Variants in RANBP2 observed in about 807,000 individuals in gnomAD.
The protein encoded by RANBP2 is E3 SUMO-protein ligase RanBP2.
Under a neutral mutation model 303.6 loss-of-function variants are expected in RANBP2, and 57 were observed. The observed-to-expected ratio is 0.19, with a 90% CI of 0.15 to 0.23. RANBP2 has a LOEUF of 0.23. RANBP2 is among the 10% of genes least tolerant of loss of function. RANBP2 has a pLI of 1.00. For missense variants in RANBP2, 3,138 were observed against 3,780.8 expected, an observed-to-expected ratio of 0.83 and a Z score of 4.46; for synonymous variants, 1,167 against 1,301.5, an observed-to-expected ratio of 0.90 and a Z score of 2.23.
At chr2:109,700,423 C>T in the RANBP2 span, among the ~76,000 whole-genome samples, 7 of 152,060 alleles carry the variant, frequency 4.6e-5, no homozygotes, top group Admixed American at 6.6e-5. Context: ...TAGATTGGTT[C>T]GGTCTGGAAA....
the RANBP2 span, among the ~76,000 whole-genome samples, chr2:109,442,171 C>A: frequency 6.6e-6 from 1 of 151,886 alleles, no homozygotes; most frequent in Non-Finnish European, 1.5e-5. Context: ...ATTAGCCAGG[C>A]GTGTTGGCGG....
At chr2:109,290,535 A>G in the RANBP2 span, among the ~76,000 whole-genome samples, 36 of 152,226 alleles carry the variant, frequency 2.4e-4, no homozygotes, top group African/African-American at 8.7e-4. Context: ...ATGCCTAGCT[A>G]GGCTATGTCC....
At chr2:109,490,629 A>G in the RANBP2 span, 1 of 1,470,066 alleles carries the variant, frequency 6.8e-7, no homozygotes, top group Non-Finnish European at 9.0e-7. Flanking sequence ...TGGGCTCCTG[A>G]AGCTTCTAGC....
the RANBP2 span, among the ~76,000 whole-genome samples, chr2:109,684,810 C>T: frequency 6.6e-6 from 1 of 151,718 alleles, no homozygotes; most frequent in African/African-American, 2.4e-5. Context: ...GCTGGGATTA[C>T]AGGCAGAGCC....
chr2:108,738,628 C>CT (rs373620543), intron 6 of RANBP2, among the ~76,000 whole-genome samples: 8,184 of 136,582 alleles, frequency 0.06, 319 homozygotes, highest in African/African-American at 0.083. Context: ...ATAATAATAG[C>CT]TTTTTTTTTT....
At chr2:109,337,086 G>A in the RANBP2 span, among the ~76,000 whole-genome samples, 1 of 152,250 alleles carries the variant, frequency 6.6e-6, no homozygotes, top group African/African-American at 2.4e-5. Flanking sequence ...TATCCTAAAT[G>A]TAAATTCAGG....
the RANBP2 span, chr2:108,846,708 A>G: frequency 6.4e-7 from 1 of 1,562,248 alleles, no homozygotes; most frequent in South Asian, 1.2e-5. Flanking sequence ...ACATGAATAA[A>G]TATACTAAGA....
the RANBP2 span, among the ~76,000 whole-genome samples, chr2:109,409,621 A>G: frequency 6.6e-6 from 1 of 152,056 alleles, no homozygotes; most frequent in Non-Finnish European, 1.5e-5. Context: ...TGCTGAAGTT[A>G]TGTGGGCAGA....
the RANBP2 span, among the ~76,000 whole-genome samples, chr2:109,098,594 T>A: frequency 6.6e-6 from 1 of 152,244 alleles, no homozygotes; most frequent in Non-Finnish European, 1.5e-5. Context: ...CAACCCTTTG[T>A]CTGTTTATAA....
the RANBP2 span, among the ~76,000 whole-genome samples, chr2:109,238,431 CTTGT>C: frequency 2.2e-3 from 319 of 145,054 alleles, 1 homozygote; most frequent in Admixed American, 2.9e-3. Context: ...TTATACATTT[CTTGT>C]TTGTTATGTA....
the RANBP2 span, among the ~76,000 whole-genome samples, chr2:109,394,748 A>G: frequency 6.6e-6 from 1 of 152,302 alleles, no homozygotes; most frequent in Non-Finnish European, 1.5e-5. Flanking sequence ...TCCTTTCCAG[A>G]TGGCACCTTG....
At chr2:109,705,512 G>C in the RANBP2 span, among the ~76,000 whole-genome samples, 1 of 152,318 alleles carries the variant, frequency 6.6e-6, no homozygotes, top group East Asian at 1.9e-4. Context: ...GCTTCCTAGT[G>C]GCTTTCTTAC....
the RANBP2 span, chr2:108,894,547 C>A: frequency 6.6e-6 from 1 of 152,406 alleles, no homozygotes; most frequent in Non-Finnish European, 1.5e-5. Context: ...ATAATATTGA[C>A]AATTAAGACT....
chr2:108,799,680 A>C, the RANBP2 span, among the ~76,000 whole-genome samples: 2 of 152,080 alleles, frequency 1.3e-5, no homozygotes, highest in African/African-American at 4.8e-5. Flanking sequence ...TCTTTGGCCA[A>C]ATTTGGGGAA....
the RANBP2 span, among the ~76,000 whole-genome samples, chr2:109,295,137 T>C: frequency 6.6e-6 from 1 of 152,198 alleles, no homozygotes; most frequent in Non-Finnish European, 1.5e-5. Flanking sequence ...AGTGGTGTGG[T>C]ACGGAGCACC....
chr2:109,564,029 T>A, the RANBP2 span, among the ~76,000 whole-genome samples: 2 of 152,218 alleles, frequency 1.3e-5, no homozygotes, highest in African/African-American at 4.8e-5. Context: ...GTTAAATATA[T>A]CATCGTCTCA....
chr2:108,866,113 C>T, the RANBP2 span, among the ~76,000 whole-genome samples: 1 of 152,044 alleles, frequency 6.6e-6, no homozygotes, highest in Non-Finnish European at 1.5e-5. Context: ...GATGCAGGAG[C>T]CTCTTAAAGT....
chr2:109,236,709 C>G, the RANBP2 span, among the ~76,000 whole-genome samples: 1 of 152,110 alleles, frequency 6.6e-6, no homozygotes, highest in Admixed American at 6.5e-5. Flanking sequence ...GTGACACTGC[C>G]CCTTATTTTA....
chr2:109,552,758 T>C, the RANBP2 span: 1 of 222,212 alleles, frequency 4.5e-6, no homozygotes, highest in Non-Finnish European at 8.9e-6. Flanking sequence ...ACCTAAAAAT[T>C]GTATACCGTG....
Sources: allele counts gnomAD v4.1 joint callset (sites outside exome capture counted in the v4.1 genomes callset), GRCh38; gene constraint gnomAD v4.1.1; transcripts MANE v1.5; gene names NCBI Gene and HGNC (gene_info 2026-07-23, HGNC 2026-07-21).